CSGALNACT1: variants seen among roughly 807,000 people sequenced by gnomAD.
CSGALNACT1 encodes chondroitin sulfate N-acetylgalactosaminyltransferase 1.
In CSGALNACT1, 52 loss-of-function variants were observed where a neutral mutation model predicts 51.0. The ratio of observed to expected loss-of-function variants is 1.02; its 90% confidence interval spans 0.82 to 1.29. The LOEUF (loss-of-function observed/expected upper bound fraction) is 1.29. Ranked by LOEUF, CSGALNACT1 falls within the 50% of genes most tolerant of loss-of-function variation. The pLI is 0.00. For synonymous variants in CSGALNACT1, 341 were observed against 254.4 expected (o/e 1.34, Z -3.24); for missense variants, 935 against 679.2 (o/e 1.38, Z -4.19).
chr8:19,485,352 C>T (rs997403575), intron 4 of CSGALNACT1, among the ~76,000 whole-genome samples: 7 of 151,936 alleles, frequency 4.6e-5, no homozygotes, highest in East Asian at 1.9e-4. Context: ...GTCCAGATTC[C>T]GACTAGGCAC....
chr8:19,427,856 C>A (rs1403148459), intron 6 of CSGALNACT1, among the ~76,000 whole-genome samples: 2 of 152,080 alleles, frequency 1.3e-5, no homozygotes, highest in African/African-American at 4.8e-5. Flanking sequence ...TGCACCTTTG[C>A]CACAGGGAAG....
chr8:19,650,242 A>C (rs1240362263), intron 1 of CSGALNACT1, among the ~76,000 whole-genome samples: 1 of 152,254 alleles, frequency 6.6e-6, no homozygotes, highest in South Asian at 2.1e-4. Context: ...TTGTAGAATC[A>C]AATTGAAACT....
intron 4 of CSGALNACT1, among the ~76,000 whole-genome samples, chr8:19,499,637 A>T (rs914426906): frequency 1.3e-5 from 2 of 152,180 alleles, no homozygotes; most frequent in Non-Finnish European, 2.9e-5. Flanking sequence ...TGGTCAAAAG[A>T]GCTGGTCCTC....
intron 7 of CSGALNACT1, 70 bp from the exon 7 acceptor site, chr8:19,418,820 G>A: frequency 8.8e-7 from 1 of 1,132,738 alleles, no homozygotes; most frequent in Non-Finnish European, 1.3e-6. Flanking sequence ...CTTGACATTT[G>A]GCCCTCTGAA....
At chr8:19,585,814 A>C (rs955329522) in intron 3 of CSGALNACT1, among the ~76,000 whole-genome samples, 2 of 152,198 alleles carry the variant, frequency 1.3e-5, no homozygotes, top group African/African-American at 4.8e-5. Flanking sequence ...TTCCAACCAG[A>C]GTTCCAGGTC....
chr8:19,457,384 GAGC>G, intron 5 of CSGALNACT1: 1 of 347,542 alleles, frequency 2.9e-6, no homozygotes, highest in East Asian at 7.5e-5. Flanking sequence ...AGGCCGAGGT[GAGC>G]AGATCACCTG....
chr8:19,617,278 C>G (rs1371084357), intron 1 of CSGALNACT1, among the ~76,000 whole-genome samples: 3 of 152,166 alleles, frequency 2.0e-5, no homozygotes, highest in Non-Finnish European at 1.5e-5. Flanking sequence ...TGAAGTTTCG[C>G]TCACTCGCCT....
intron 1 of CSGALNACT1, among the ~76,000 whole-genome samples, chr8:19,724,382 G>A (rs1380897571): frequency 1.3e-5 from 2 of 152,154 alleles, no homozygotes; most frequent in African/African-American, 4.8e-5. Context: ...AGAGGCTGTG[G>A]TTGGTGGCTC....
At chr8:19,719,457 G>A (rs1375291908) in intron 1 of CSGALNACT1, among the ~76,000 whole-genome samples, 2 of 152,242 alleles carry the variant, frequency 1.3e-5, no homozygotes, top group East Asian at 3.9e-4. Context: ...CAAAACTCAG[G>A]AGGCCTCAGA....
chr8:19,492,881 A>G (rs1211473102), intron 4 of CSGALNACT1, among the ~76,000 whole-genome samples: 1 of 152,204 alleles, frequency 6.6e-6, no homozygotes, highest in Non-Finnish European at 1.5e-5. Flanking sequence ...CTGTTAAACT[A>G]ATCTTATGGT....
chr8:19,570,703 C>G (rs150287017), intron 3 of CSGALNACT1, among the ~76,000 whole-genome samples: 85 of 152,268 alleles, frequency 5.6e-4, no homozygotes, highest in African/African-American at 1.9e-3. Context: ...AGTTCGAGAC[C>G]AGCTCGGCCA....
chr8:19,548,800 G>C (rs369386419), intron 3 of CSGALNACT1, among the ~76,000 whole-genome samples: 1 of 152,076 alleles, frequency 6.6e-6, no homozygotes, highest in African/African-American at 2.4e-5. Flanking sequence ...TCATATTTTA[G>C]GTAACGTTCT....
intron 4 of CSGALNACT1, among the ~76,000 whole-genome samples, chr8:19,479,002 A>G (rs2070602387): frequency 6.6e-6 from 1 of 152,196 alleles, no homozygotes; most frequent in Non-Finnish European, 1.5e-5. Flanking sequence ...ATGACTGGAG[A>G]GTGACTTATT....
intron 5 of CSGALNACT1, among the ~76,000 whole-genome samples, chr8:19,445,545 C>A (rs143310219): frequency 6.6e-6 from 1 of 152,182 alleles, no homozygotes; most frequent in Admixed American, 6.5e-5. Context: ...TGCATTCATT[C>A]GTGTACTCTT....
chr8:19,521,140 T>C (rs1490411356), intron 3 of CSGALNACT1, among the ~76,000 whole-genome samples: 1 of 152,042 alleles, frequency 6.6e-6, no homozygotes, highest in Non-Finnish European at 1.5e-5. Flanking sequence ...TGAAATTTCA[T>C]CCTATAGGTA....
chr8:19,610,268 C>T (rs544936752), intron 1 of CSGALNACT1, among the ~76,000 whole-genome samples: 17 of 126,638 alleles, frequency 1.3e-4, no homozygotes, highest in African/African-American at 4.5e-4. Flanking sequence ...CCATCCTGGG[C>T]GACAGAGTAC....
At chr8:19,693,154 G>C (rs530781444) in intron 1 of CSGALNACT1, among the ~76,000 whole-genome samples, 3 of 152,126 alleles carry the variant, frequency 2.0e-5, no homozygotes, top group African/African-American at 7.2e-5. Context: ...TTTGCCAACT[G>C]GCTCCAGCTG....
intron 1 of CSGALNACT1, among the ~76,000 whole-genome samples, chr8:19,659,356 T>C (rs1020685013): frequency 6.6e-6 from 1 of 152,210 alleles, no homozygotes; most frequent in Admixed American, 6.5e-5. Flanking sequence ...AGATTCTTAC[T>C]TGGGCTCCTT....
chr8:19,424,601 C>G (rs575411947), intron 6 of CSGALNACT1, among the ~76,000 whole-genome samples: 4 of 152,304 alleles, frequency 2.6e-5, no homozygotes, highest in South Asian at 2.1e-4. Flanking sequence ...CATGTGGGCT[C>G]TAGAACAGGA....
Sources: allele counts gnomAD v4.1 joint callset (sites outside exome capture counted in the v4.1 genomes callset), GRCh38; gene constraint gnomAD v4.1.1; transcripts MANE v1.5; gene names NCBI Gene and HGNC (gene_info 2026-07-23, HGNC 2026-07-21).